The following OPCML variants were observed in gnomAD, a reference collection of about 807,000 sequenced individuals.
OPCML encodes the protein opioid-binding protein/cell adhesion molecule.
Under a neutral mutation model 37.8 loss-of-function variants are expected in OPCML, and 13 were observed. That is an observed-to-expected ratio of 0.34 (90% confidence interval 0.22 to 0.55). OPCML has a LOEUF of 0.55. Ranked by LOEUF, OPCML falls within the 20% of genes least tolerant of loss-of-function variation. OPCML has a pLI of 0.91. For missense variants in OPCML, 341 were observed against 435.6 expected, an observed-to-expected ratio of 0.78 and a Z score of 1.93; for synonymous variants, 176 against 168.8, an observed-to-expected ratio of 1.04 and a Z score of -0.33.
intron 2 of OPCML, among the ~76,000 whole-genome samples, chr11:132,893,257 G>A (rs886527672): frequency 4.6e-5 from 7 of 152,104 alleles, no homozygotes; most frequent in African/African-American, 1.4e-4. Flanking sequence ...GCAAGACTCC[G>A]TCTCAAAACA....
intron 1 of OPCML, among the ~76,000 whole-genome samples, chr11:133,224,503 G>A (rs1392307558): frequency 6.6e-6 from 1 of 152,172 alleles, no homozygotes; most frequent in Non-Finnish European, 1.5e-5. Flanking sequence ...AGAGGGCCAA[G>A]CTTCCCTCCA....
intron 1 of OPCML, among the ~76,000 whole-genome samples, chr11:133,246,043 G>A (rs1940910336): frequency 7.4e-6 from 1 of 135,514 alleles, no homozygotes; most frequent in East Asian, 2.0e-4. Context: ...TGGGTTGATA[G>A]GTGCAGCAAC....
At chr11:132,728,942 T>A in intron 2 of OPCML, among the ~76,000 whole-genome samples, 1 of 151,222 alleles carries the variant, frequency 6.6e-6, no homozygotes, top group East Asian at 1.9e-4. Context: ...TGAAAAAAAA[T>A]TAAGAAAGTA....
At chr11:132,705,927 C>G (rs947772925) in intron 2 of OPCML, among the ~76,000 whole-genome samples, 1 of 152,132 alleles carries the variant, frequency 6.6e-6, no homozygotes, top group African/African-American at 2.4e-5. Context: ...CCTGTCTTAG[C>G]CTCCTGAGTA....
chr11:133,190,210 C>G (rs1363924327), intron 1 of OPCML, among the ~76,000 whole-genome samples: 1 of 152,174 alleles, frequency 6.6e-6, no homozygotes, highest in Non-Finnish European at 1.5e-5. Flanking sequence ...TCTAAAATTT[C>G]CCCATGGAGA....
chr11:133,093,155 T>C (rs189096279), intron 1 of OPCML, among the ~76,000 whole-genome samples: 46 of 152,234 alleles, frequency 3.0e-4, no homozygotes, highest in African/African-American at 9.9e-4. Context: ...ATTTGTGAGA[T>C]TTTGGTGTAC....
At chr11:132,633,450 TA>T (rs2135700509) in intron 3 of OPCML, among the ~76,000 whole-genome samples, 1 of 152,248 alleles carries the variant, frequency 6.6e-6, no homozygotes, top group East Asian at 1.9e-4. Flanking sequence ...TGATAGAAAT[TA>T]AAAGCCGGGA....
At chr11:133,292,665 A>C (rs1942513072) in intron 1 of OPCML, among the ~76,000 whole-genome samples, 1 of 152,134 alleles carries the variant, frequency 6.6e-6, no homozygotes, top group South Asian at 2.1e-4. Context: ...TGGCTCCAAA[A>C]CATGTCTTAA....
chr11:132,637,748 T>C (rs1195035027), intron 3 of OPCML, among the ~76,000 whole-genome samples: 1 of 152,156 alleles, frequency 6.6e-6, no homozygotes, highest in African/African-American at 2.4e-5. Context: ...TATTAGAACC[T>C]GGCAGTGCTC....
intron 1 of OPCML, among the ~76,000 whole-genome samples, chr11:133,228,881 C>T (rs1940155943): frequency 6.6e-6 from 1 of 152,364 alleles, no homozygotes; most frequent in South Asian, 2.1e-4. Flanking sequence ...AAAGTGACAG[C>T]CCTTAATTTC....
intron 2 of OPCML, among the ~76,000 whole-genome samples, chr11:132,666,196 C>A (rs1942207799): frequency 6.6e-6 from 1 of 152,166 alleles, no homozygotes; most frequent in Non-Finnish European, 1.5e-5. Context: ...TGGCTCACGG[C>A]TCTGCAGGCT....
At chr11:133,387,064 G>T (rs1445371166) in intron 1 of OPCML, among the ~76,000 whole-genome samples, 2 of 152,210 alleles carry the variant, frequency 1.3e-5, no homozygotes, top group African/African-American at 4.8e-5. Flanking sequence ...CTCAGCCTGG[G>T]CTCTCTGTAT....
chr11:133,146,811 A>G (rs956151383), intron 1 of OPCML, among the ~76,000 whole-genome samples: 6 of 152,208 alleles, frequency 3.9e-5, no homozygotes, highest in Non-Finnish European at 8.8e-5. Flanking sequence ...AACTCCCCCC[A>G]GCACAGGCCC....
chr11:132,582,144 G>A (rs1449527446), intron 3 of OPCML, among the ~76,000 whole-genome samples: 1 of 147,026 alleles, frequency 6.8e-6, no homozygotes, highest in Non-Finnish European at 1.5e-5. Flanking sequence ...GTGTGTGTGT[G>A]TGTGTGAAAC....
intron 4 of OPCML, among the ~76,000 whole-genome samples, chr11:132,500,802 G>A (rs1592272703): frequency 6.6e-6 from 1 of 152,130 alleles, no homozygotes; most frequent in Non-Finnish European, 1.5e-5. Context: ...AGAACATGTG[G>A]TGTTTGGTTT....
intron 4 of OPCML, among the ~76,000 whole-genome samples, chr11:132,481,847 A>G (rs200197651): frequency 0.024 from 3,634 of 148,392 alleles, 193 homozygotes; most frequent in African/African-American, 0.08. Flanking sequence ...TGAAGGCAGA[A>G]ATAAAGATGT....
intron 2 of OPCML, among the ~76,000 whole-genome samples, chr11:132,846,319 G>A (rs1053401657): frequency 6.6e-6 from 1 of 152,202 alleles, no homozygotes; most frequent in African/African-American, 2.4e-5. Flanking sequence ...GTTTCTCACA[G>A]CAGCCTGAAA....
intron 1 of OPCML, among the ~76,000 whole-genome samples, chr11:133,314,554 T>C (rs1238393442): frequency 2.4e-5 from 2 of 83,398 alleles, no homozygotes. Flanking sequence ...CCTTCCATAA[T>C]AAGAAAAAAA....
chr11:132,580,857 A>G (rs918244098), intron 3 of OPCML, among the ~76,000 whole-genome samples: 4 of 152,196 alleles, frequency 2.6e-5, no homozygotes, highest in African/African-American at 4.8e-5. Flanking sequence ...AATTAATTCC[A>G]TAGGGGCCTT....
Sources: allele counts gnomAD v4.1 joint callset (sites outside exome capture counted in the v4.1 genomes callset), GRCh38; gene constraint gnomAD v4.1.1; transcripts MANE v1.5; gene names NCBI Gene and HGNC (gene_info 2026-07-23, HGNC 2026-07-21).